Variants in IRS1 observed in about 807,000 individuals in gnomAD.
IRS1 encodes the protein insulin receptor substrate 1.
Under a neutral mutation model 65.6 loss-of-function variants are expected in IRS1, and 34 were observed. The observed-to-expected ratio is 0.52, with a 90% CI of 0.39 to 0.69. The LOEUF is 0.69. IRS1 is among the 30% of genes least tolerant of loss of function. The pLI is 0.00. For synonymous variants in IRS1, 699 were observed against 683.5 expected (o/e 1.02, Z -0.35); for missense variants, 1,641 against 1,720.2 (o/e 0.95, Z 0.81).
At position 226,797,416 on chromosome 2, in the gene IRS1, G is replaced by C. The variant is rs532058574; in HGVS notation, c.1323C>G (p.Ser441=). 3.1e-6 allele frequency: 5 copies of C among 1,612,618 alleles called. No individual in the cohort carries two copies. Among genetic ancestry groups the C allele is most frequent in the Non-Finnish European group, 4.2e-6 (5 of 1,179,506 alleles). The change falls in exon 1 of 2, where the codon TCC becomes TCG. Residue 441 remains serine (S), a synonymous_variant. Transcript: ENST00000305123. This position sits in a 1 kb window ranked among gnomAD's most constrained non-coding sequence, Gnocchi z 8.1. The part of the protein sequence containing the change: ...YGSSPCDFRS[S]FRSVTPDSLG... The stretch of plus-strand genomic sequence containing the variant: ...GGGAATCCGGAGTGACACTGCGGAA[G>C]GAACTCCGGAAATCGCAGGGACTGG...
chr2:226,778,405 T>C lies in IRS1; in HGVS notation c.*21+16584A>G, dbSNP rs181916069. Among the ~76,000 whole-genome samples the C allele has an allele frequency of 2.2e-3, 328 of 152,276 alleles. 4 individuals carry two copies. The highest frequency in any genetic ancestry group is 7.3e-3 in the African/African-American group (302 of 41,582). On this transcript the variant is annotated intron_variant, in intron 1 of 1. Transcript: ENST00000305123. ...AATTGTGAGATTTCTTCTTGTGATG[T>C]ATGGATTTAACAGGAATATGCCTGA...
chr2:226,798,384 C>G lies in IRS1; in HGVS notation c.355G>C (p.Gly119Arg). Residue 119 changes from glycine to arginine, a missense_variant, in exon 1 of 2, where the codon GGC (glycine) becomes CGC (arginine). Gly to Arg is a moderately radical substitution (Grantham distance 125, BLOSUM62 -2). Transcript: ENST00000305123. The surrounding 1 kb of genome is among the most constrained non-coding windows in gnomAD (Gnocchi z 9.4). ...AGGGCCGCAGCTCCGTCGTGGTGGC[C>G]CTTAGCACGGTTGTGCAGCTGTAGG... ...ALLQLHNRAK[G>R]HHDGAAALGA... is the part of the protein sequence containing the mutation. 1.2e-6 allele frequency: 2 copies of G among 1,613,982 alleles called. No homozygotes were observed. Among genetic ancestry groups the G allele is most frequent in the Non-Finnish European group, 1.7e-6 (2 of 1,179,998 alleles).
At chr2:226,780,307 G>T (rs1170090378) in intron 1 of IRS1, among the ~76,000 whole-genome samples, 1 of 152,120 alleles carries the variant, frequency 6.6e-6, no homozygotes, top group Non-Finnish European at 1.5e-5. Context: ...CAGGAGAATC[G>T]CTTGAACCTG....
rs1939047766 is a variant in IRS1 at position 226,766,302 on chromosome 2, TA to T, written c.*21+28686del. 2.7e-5 allele frequency among the ~76,000 whole-genome samples: 4 copies of T among 149,968 alleles called. No individual in the cohort carries two copies. The South Asian group carries it at 8.6e-4, about 32-fold the overall frequency. Reference sequence around the variant, plus strand: ...CCTTAGCCTCCTGAGTAGCTAGGATTACAGGCGTGTGCCACCAACCTCAGCT... The same window carrying T: ...CCTTAGCCTCCTGAGTAGCTAGGATTCAGGCGTGTGCCACCAACCTCAGCT... On this transcript the variant is annotated intron_variant, in intron 1 of 1. Transcript: ENST00000305123.
chr2:226,760,447 T>A (rs562487587), intron 1 of IRS1, among the ~76,000 whole-genome samples: 1 of 152,294 alleles, frequency 6.6e-6, no homozygotes, highest in East Asian at 1.9e-4. Context: ...ATCTCACAGA[T>A]AGCAAATCTA....
intron 1 of IRS1, chr2:226,792,309 G>A (rs1345871001): frequency 1.3e-5 from 2 of 152,172 alleles, no homozygotes; most frequent in Non-Finnish European, 2.9e-5. Context: ...GACCGAGTCT[G>A]AGAGGCTCTT....
In IRS1 at chr2:226,799,504, G is replaced by A. The variant is rs1438356688; in HGVS notation, c.-766C>T. 9 of 1,137,658 alleles carry A rather than the reference G, an allele frequency of 7.9e-6. No individual in the cohort carries two copies. Among genetic ancestry groups the A allele is most frequent in the Middle Eastern group, 4.2e-4 (1 of 2,396 alleles). The allele number at this position is 1,137,658 out of a possible 1,614,324, so 70.5% of individuals were successfully genotyped here. ...CGGGCAGCCACTGCAGCTGGGGACC[G>A]GCCGGAGGGACAGACTCATCCCTGC... is the stretch of plus-strand genomic sequence containing the variant. On this transcript the variant is annotated 5_prime_UTR_variant, in exon 1 of 2. Transcript: ENST00000305123. The surrounding 1 kb of genome is among the most constrained non-coding windows in gnomAD (Gnocchi z 6.1).
In IRS1 at chr2:226,799,265, C is replaced by A; in HGVS notation, c.-527G>T. On this transcript the variant is annotated 5_prime_UTR_variant, in exon 1 of 2. In the 5' UTR this introduces an upstream ATG that the reference lacks. Coordinates refer to ENST00000305123, the MANE Select transcript of IRS1 (RefSeq NM_005544.3). The surrounding 1 kb of genome is among the most constrained non-coding windows in gnomAD (Gnocchi z 6.1). The stretch of plus-strand genomic sequence containing the variant: ...GTCCCAACGTTGCACGGGGTTCTCC[C>A]TCCTCCTTCGCCTCCTCCCACCCCC... 1.7e-6 allele frequency: 2 copies of A among 1,153,238 alleles called. No individual in the cohort carries two copies. Among genetic ancestry groups the A allele is most frequent in the Non-Finnish European group, 2.2e-6 (2 of 915,824 alleles). The allele number at this position is 1,153,238 out of a possible 1,614,324, so 71.4% of individuals were successfully genotyped here. A position where few individuals can be genotyped will look rare whatever the true frequency, so the allele number is the denominator to read the frequency against.
intron 1 of IRS1, among the ~76,000 whole-genome samples, chr2:226,762,312 C>G (rs998032625): frequency 6.7e-6 from 1 of 150,060 alleles, no homozygotes; most frequent in Admixed American, 6.6e-5. Flanking sequence ...CAGCTCATAC[C>G]TCTTGAGATA....
intron 1 of IRS1, among the ~76,000 whole-genome samples, chr2:226,791,217 T>C (rs1939588169): frequency 6.6e-6 from 1 of 151,946 alleles, no homozygotes; most frequent in Admixed American, 6.6e-5. Flanking sequence ...CGCAGGTCTC[T>C]CTCCCTCCCT....
intron 1 of IRS1, among the ~76,000 whole-genome samples, chr2:226,740,542 G>T (rs574617410): frequency 6.6e-6 from 1 of 152,114 alleles, no homozygotes; most frequent in Non-Finnish European, 1.5e-5. Flanking sequence ...TTTTTACTGG[G>T]AAAGCAGCTG....
intron 1 of IRS1, among the ~76,000 whole-genome samples, chr2:226,767,004 T>C (rs1939064589): frequency 6.6e-6 from 1 of 151,566 alleles, no homozygotes; most frequent in South Asian, 2.1e-4. Context: ...TTCCAGGAAG[T>C]TAGTAAAATC....
intron 1 of IRS1, among the ~76,000 whole-genome samples, chr2:226,740,728 G>A (rs150349627): frequency 1.1e-3 from 171 of 152,232 alleles, no homozygotes; most frequent in African/African-American, 3.7e-3. Context: ...ATTGCTAGTC[G>A]TTTCTACTTT....
At chr2:226,791,346 C>T (rs1371276726) in intron 1 of IRS1, among the ~76,000 whole-genome samples, 1 of 152,168 alleles carries the variant, frequency 6.6e-6, no homozygotes, top group African/African-American at 2.4e-5. Context: ...AGGAACGTGG[C>T]CTCGTAGTAA....
chr2:226,758,995 G>A (rs1024150269), intron 1 of IRS1, among the ~76,000 whole-genome samples: 5 of 152,222 alleles, frequency 3.3e-5, no homozygotes, highest in African/African-American at 4.8e-5. Context: ...AAGTGGTTGT[G>A]TGATTATACA....
At chr2:226,762,671 T>C (rs755119866) in intron 1 of IRS1, among the ~76,000 whole-genome samples, 7 of 152,212 alleles carry the variant, frequency 4.6e-5, no homozygotes, top group Admixed American at 6.5e-5. Flanking sequence ...GTTTGCTGGC[T>C]CCTGGCCTAC....
rs200063087 is a variant in IRS1 at position 226,797,057 on chromosome 2, C to T, written c.1682G>A (p.Gly561Glu). 2 of 1,611,866 alleles carry T rather than the reference C, an allele frequency of 1.2e-6. No individual in the cohort carries two copies. Reference sequence around the variant, plus strand: ...CGGCAGTCGGCCTCCACTGCCACCTCCTGGTGGGTAGGCAGGCATCATCTC... The same window carrying T: ...CGGCAGTCGGCCTCCACTGCCACCTTCTGGTGGGTAGGCAGGCATCATCTC... ...YTEMMPAYPP[G>E]GGSGGRLPGH... is the part of the protein sequence containing the mutation. Residue 561 changes from glycine (G) to glutamate (E), a missense_variant, in exon 1 of 2, where the codon GGA becomes GAA. Gly to Glu is a moderately conservative substitution (Grantham distance 98). Transcript: ENST00000305123. The surrounding 1 kb of genome is among the most constrained non-coding windows in gnomAD (Gnocchi z 8.1).
At chr2:226,788,014 A>T (rs1468220077) in intron 1 of IRS1, among the ~76,000 whole-genome samples, 6 of 149,944 alleles carry the variant, frequency 4.0e-5, no homozygotes, top group African/African-American at 1.5e-4. Context: ...CACATTACAT[A>T]TATTCAAAAA....
At chr2:226,776,864 T>C (rs774318402) in intron 1 of IRS1, among the ~76,000 whole-genome samples, 3 of 152,236 alleles carry the variant, frequency 2.0e-5, no homozygotes, top group African/African-American at 4.8e-5. Flanking sequence ...CAAGATCACA[T>C]CACTGCACTC....
Sources: gnomAD v4.1 joint callset for allele counts (sites outside exome capture counted in the v4.1 genomes callset) on GRCh38, gnomAD v4.1.1 for gene constraint, Gnocchi (gnomAD v3.1) non-coding constraint, MANE v1.5 for transcripts, NCBI Gene and HGNC (gene_info 2026-07-23, HGNC 2026-07-21) for gene names.